SBNO1: variants seen among roughly 807,000 people sequenced by gnomAD.
SBNO1 encodes the protein protein strawberry notch homolog 1.
SBNO1 carries 23 observed loss-of-function variants against 173.6 expected under a neutral mutation model. That is an observed-to-expected ratio of 0.13 (90% CI 0.10 to 0.19). SBNO1 has a LOEUF of 0.19. Among genes scored for constraint, SBNO1 ranks in the 10% least tolerant of loss-of-function variants. SBNO1 has a pLI of 1.00. For synonymous variants in SBNO1, 632 were observed against 571.5 expected (o/e 1.11, Z -1.51); for missense variants, 1,238 against 1,671.2 (o/e 0.74, Z 4.52).
intron 1 of SBNO1, among the ~76,000 whole-genome samples, chr12:123,362,744 G>C (rs997310862): frequency 7.5e-6 from 1 of 133,018 alleles, no homozygotes; most frequent in African/African-American, 2.9e-5. Context: ...ACTCCAGCCT[G>C]GGCAACACAG....
At chr12:123,346,157 T>C (rs945459530) in intron 3 of SBNO1, among the ~76,000 whole-genome samples, 3 of 152,184 alleles carry the variant, frequency 2.0e-5, no homozygotes, top group Non-Finnish European at 4.4e-5. Flanking sequence ...GGTGTGCACC[T>C]GCATTTCCAG....
rs1002703169 is a variant in SBNO1 at position 123,345,395 on chromosome 12, G to A, written c.413C>T (p.Thr138Ile). The change falls in exon 4 of 32, where the codon ACA (threonine) becomes ATA (isoleucine). Residue 138 changes from threonine to isoleucine, a missense_variant. This residue lies in a region of SBNO1 where 287 missense variants were observed against 274.1 expected (regional missense o/e 1.05). Coordinates refer to ENST00000602398, the MANE Select transcript of SBNO1 (RefSeq NM_001167856.3). The stretch of plus-strand genomic sequence containing the variant: ...TGCAGAGGTCATGGCATTTCGTACT[G>A]TTGGTGCTGAGACTGACGGGCGTGT... ...ASTRPSVSAP[T>I]VRNAMTSAPS... The A allele has an allele frequency of 3.7e-6, 6 of 1,614,194 alleles. No individual in the cohort carries two copies. Among genetic ancestry groups the A allele is most frequent in the Middle Eastern group, 1.6e-4 (1 of 6,062 alleles).
In SBNO1 at chr12:123,361,585, T is replaced by C. The variant is rs575796177; in HGVS notation, c.-1+3116A>G. On this transcript the variant is annotated intron_variant, in intron 1 of 31. Coordinates refer to ENST00000602398, the MANE Select transcript of SBNO1 (RefSeq NM_001167856.3). ...AAATAAATAAATAAAAGTACAAAAATTAGCTGGGCGTGGTGGCGTGTACCT... is the reference window on the plus strand; with the variant it reads ...AAATAAATAAATAAAAGTACAAAAACTAGCTGGGCGTGGTGGCGTGTACCT... 5.9e-4 allele frequency among the ~76,000 whole-genome samples: 89 copies of C among 151,142 alleles called. 1 individual carries two copies. The highest frequency in any genetic ancestry group is 2.0e-3 in the African/African-American group (81 of 41,134).
chr12:123,302,678 C>T (rs2048826180), intron 30 of SBNO1, 146 bp downstream of exon 30: 2 of 670,320 alleles, frequency 3.0e-6, no homozygotes, highest in South Asian at 3.4e-5. Flanking sequence ...TACAACTGTC[C>T]AGTAAATATT....
At chr12:123,364,462 G>C (rs1182061483) in intron 1 of SBNO1, 3 of 985,470 alleles carry the variant, frequency 3.0e-6, no homozygotes, top group African/African-American at 3.5e-5. Context: ...AGCGGCGACA[G>C]CGGGGCCCGG....
intron 1 of SBNO1, among the ~76,000 whole-genome samples, chr12:123,363,358 T>C (rs1875617618): frequency 6.6e-6 from 1 of 152,194 alleles, no homozygotes. Context: ...CTAGAAAATA[T>C]GGTGGAAAAT....
Position 123,345,466 on chromosome 12 carries a change from G to T in SBNO1, c.342C>A (p.Asn114Lys), listed in dbSNP as rs1464838011. 12 of 1,614,162 alleles carry T rather than the reference G, an allele frequency of 7.4e-6. No homozygotes were observed. The highest frequency in any genetic ancestry group is 9.3e-6 in the Non-Finnish European group (11 of 1,180,010). The change falls in exon 4 of 32, where the codon AAC (asparagine) becomes AAA (lysine). Residue 114 changes from asparagine to lysine, a missense_variant. Physicochemically the swap from Asn to Lys is moderately conservative, Grantham distance 94 (BLOSUM62 0). Coordinates refer to ENST00000602398, the MANE Select transcript of SBNO1 (RefSeq NM_001167856.3). ...VMTKTPPVTT[N>K]RQTITLTKFI... ...ACTTAGTTAAAGTGATGGTTTGCCT[G>T]TTGGTTGTTACAGGTGGTGTTTTAG...
rs540815765 is a variant in SBNO1, at chr12:123,342,963, A to T, written c.551-1875T>A. ...ACGAGTACAACTAATTAAAGTATTA[A>T]CAGGCCAGGTGCTCACGCCTGTAAT... On this transcript the variant is annotated intron_variant, in intron 4 of 31. Coordinates refer to ENST00000602398, the MANE Select transcript of SBNO1 (RefSeq NM_001167856.3). 4.6e-5 allele frequency among the ~76,000 whole-genome samples: 7 copies of T among 152,268 alleles called. No homozygotes were observed. In the South Asian group the frequency reaches 1.5e-3, roughly 32 times the overall value.
At chr12:123,316,004 C>T (rs1400348677) in intron 21 of SBNO1, among the ~76,000 whole-genome samples, 3 of 152,132 alleles carry the variant, frequency 2.0e-5, no homozygotes, top group Admixed American at 2.0e-4. Flanking sequence ...ATAGAAGTAG[C>T]AGCTTCTCTG....
chr12:123,330,600 A>T (rs1303392061), intron 8 of SBNO1, 91 bp from the exon 9 acceptor site: 5 of 646 alleles, frequency 7.7e-3, no homozygotes, highest in African/African-American at 0.039. Context: ...CTTGACACTT[A>T]AAAAAAAAAA....
At chr12:123,340,850 T>C (rs1872479362) in intron 5 of SBNO1, 138 bp downstream of exon 5, 1 of 628,772 alleles carries the variant, frequency 1.6e-6, no homozygotes, top group Non-Finnish European at 2.8e-6. Flanking sequence ...GGTTTAAGCA[T>C]ATCCATTAGT....
chr12:123,359,049 C>T (rs1282088972), intron 1 of SBNO1, among the ~76,000 whole-genome samples: 2 of 151,762 alleles, frequency 1.3e-5, no homozygotes, highest in African/African-American at 4.8e-5. Context: ...TCTCCTGCCT[C>T]AGCCTCCCCA....
intron 5 of SBNO1, among the ~76,000 whole-genome samples, chr12:123,339,254 T>C (rs1311678845): frequency 6.6e-6 from 1 of 152,090 alleles, no homozygotes; most frequent in Non-Finnish European, 1.5e-5. Flanking sequence ...TATCGTTATG[T>C]ACAGTCATCT....
At chr12:123,308,630 G>A (rs762679296) in intron 28 of SBNO1, among the ~76,000 whole-genome samples, 2 of 151,984 alleles carry the variant, frequency 1.3e-5, no homozygotes, top group Non-Finnish European at 2.9e-5. Flanking sequence ...AGCCGAGATC[G>A]CACCACTGCA....
intron 31 of SBNO1, 98 bp from the exon 32 acceptor site, chr12:123,296,148 A>T: frequency 4.2e-6 from 3 of 708,414 alleles, no homozygotes; most frequent in Non-Finnish European, 7.3e-6. Flanking sequence ...ATTAAGCGTA[A>T]TGGACAAGAA....
chr12:123,360,853 G>A (rs959902637), intron 1 of SBNO1, among the ~76,000 whole-genome samples: 2 of 151,982 alleles, frequency 1.3e-5, no homozygotes, highest in East Asian at 1.9e-4. Context: ...TGGCTCACAC[G>A]TGTAATCCCA....
intron 30 of SBNO1, among the ~76,000 whole-genome samples, chr12:123,300,522 T>C (rs2048751329): frequency 1.3e-5 from 2 of 151,916 alleles, no homozygotes; most frequent in South Asian, 2.1e-4. Flanking sequence ...CCGGGCGTGG[T>C]TGGCGGGTGC....
rs142272751 is a variant in SBNO1 at position 123,341,796 on chromosome 12, G to A, written c.551-708C>T. On this transcript the variant is annotated intron_variant, in intron 4 of 31. Coordinates refer to ENST00000602398, the MANE Select transcript of SBNO1 (RefSeq NM_001167856.3). ...GCCCACTTTGGCATCCCAAAGTGCT[G>A]GGATTACAGGCGTGAGCCACCGCAC... Among the ~76,000 whole-genome samples, 162 of 151,938 alleles carry A rather than the reference G, an allele frequency of 1.1e-3. 5 individuals carry two copies. In the East Asian group the frequency reaches 0.031, roughly 29 times the overall value.
chr12:123,363,484 T>C (rs1049050260), intron 1 of SBNO1, among the ~76,000 whole-genome samples: 2 of 152,180 alleles, frequency 1.3e-5, no homozygotes, highest in Admixed American at 6.6e-5. Context: ...TTAGAAACCA[T>C]ATTCCATCCC....
Sources: allele counts gnomAD v4.1 joint callset (sites outside exome capture counted in the v4.1 genomes callset), GRCh38; gene constraint gnomAD v4.1.1; regional missense constraint gnomAD v4.1.1; transcripts MANE v1.5; gene names NCBI Gene and HGNC (gene_info 2026-07-23, HGNC 2026-07-21).